CNTNAP2: variants seen among roughly 807,000 people sequenced by gnomAD.
CNTNAP2 encodes contactin-associated protein-like 2.
Under a neutral mutation model 155.2 loss-of-function variants are expected in CNTNAP2, and 98 were observed. The ratio of observed to expected loss-of-function variants is 0.63; its 90% CI spans 0.54 to 0.75. CNTNAP2 has a LOEUF of 0.75. Ranked by LOEUF, CNTNAP2 falls within the 30% of genes least tolerant of loss-of-function variation. The pLI is 0.00. For missense variants in CNTNAP2, 1,727 were observed against 1,688.1 expected (o/e 1.02, Z -0.40); for synonymous variants, 651 against 631.2 (o/e 1.03, Z -0.47).
chr7:146,246,262 A>C (rs1799651411), intron 1 of CNTNAP2, among the ~76,000 whole-genome samples: 1 of 150,768 alleles, frequency 6.6e-6, no homozygotes, highest in Non-Finnish European at 1.5e-5. Flanking sequence ...GAGGACGCAA[A>C]GGAGGCTTTG....
intron 3 of CNTNAP2, among the ~76,000 whole-genome samples, chr7:147,009,183 C>T (rs1798579215): frequency 6.6e-6 from 1 of 152,052 alleles, no homozygotes; most frequent in South Asian, 2.1e-4. Context: ...TCTGTCTTTA[C>T]TTTGTTAAAT....
intron 1 of CNTNAP2, among the ~76,000 whole-genome samples, chr7:146,435,703 C>T (rs1222304007): frequency 6.6e-6 from 1 of 152,174 alleles, no homozygotes; most frequent in African/African-American, 2.4e-5. Flanking sequence ...GTCATGTATG[C>T]TAATCACTTC....
intron 4 of CNTNAP2, among the ~76,000 whole-genome samples, chr7:147,077,705 TG>T (rs1227321693): frequency 1.3e-5 from 2 of 152,170 alleles, no homozygotes; most frequent in African/African-American, 4.8e-5. Context: ...CTAGCTTCCT[TG>T]GGCAAGTTAC....
At chr7:147,549,689 G>A (rs933520833) in intron 11 of CNTNAP2, among the ~76,000 whole-genome samples, 6 of 152,132 alleles carry the variant, frequency 3.9e-5, no homozygotes, top group African/African-American at 1.2e-4. Flanking sequence ...TCTATAAAAA[G>A]TAGTCACCAC....
chr7:146,850,076 T>C (rs964981568), intron 3 of CNTNAP2, among the ~76,000 whole-genome samples: 62 of 152,282 alleles, frequency 4.1e-4, no homozygotes, highest in South Asian at 8.3e-4. Flanking sequence ...CAAATAAATT[T>C]GGTTTGCTTG....
At chr7:147,849,870 G>C (rs922232822) in intron 13 of CNTNAP2, 4 of 152,244 alleles carry the variant, frequency 2.6e-5, no homozygotes, top group Non-Finnish European at 4.4e-5. Context: ...AACCAAAAAT[G>C]GAAGAGGCAA....
At chr7:146,275,560 T>C (rs1344073668) in intron 1 of CNTNAP2, among the ~76,000 whole-genome samples, 1 of 152,196 alleles carries the variant, frequency 6.6e-6, no homozygotes, top group South Asian at 2.1e-4. Context: ...AAGATCAAAG[T>C]AAACCCACAT....
At chr7:147,727,871 C>A (rs1378150897) in intron 13 of CNTNAP2, among the ~76,000 whole-genome samples, 2 of 151,532 alleles carry the variant, frequency 1.3e-5, no homozygotes, top group African/African-American at 4.9e-5. Flanking sequence ...AGAGAACTGT[C>A]TGAAATGACA....
At chr7:148,028,567 C>G (rs748394784) in intron 15 of CNTNAP2, among the ~76,000 whole-genome samples, 21 of 152,136 alleles carry the variant, frequency 1.4e-4, no homozygotes, top group Non-Finnish European at 2.8e-4. Context: ...CAGAACAAGA[C>G]CCCGTCTCAA....
intron 11 of CNTNAP2, among the ~76,000 whole-genome samples, chr7:147,537,927 A>G (rs572824929): frequency 6.6e-6 from 1 of 152,308 alleles, no homozygotes; most frequent in Admixed American, 6.5e-5. Flanking sequence ...GATGTTAACT[A>G]AAGATTCCTT....
At chr7:147,915,600 A>C (rs1800144993) in intron 14 of CNTNAP2, among the ~76,000 whole-genome samples, 1 of 152,084 alleles carries the variant, frequency 6.6e-6, no homozygotes, top group Non-Finnish European at 1.5e-5. Context: ...ACAGCTATCA[A>C]TATATTTTCT....
intron 21 of CNTNAP2, among the ~76,000 whole-genome samples, chr7:148,351,213 G>A (rs1011796842): frequency 2.6e-5 from 4 of 152,124 alleles, no homozygotes; most frequent in African/African-American, 9.7e-5. Flanking sequence ...ACCATGAGTG[G>A]AGGTAGGGAG....
Position 147,848,742 on chromosome 7 carries a change from T to G in CNTNAP2, c.2099-54823T>G, listed in dbSNP as rs1043970949. Reference sequence around the variant, plus strand: ...AAAAAAAAAATAACTAAATATTTAATTTCCTGAAATAGTTCCAAATTACAG... The same window carrying G: ...AAAAAAAAAATAACTAAATATTTAAGTTCCTGAAATAGTTCCAAATTACAG... On this transcript the variant is annotated intron_variant, in intron 13 of 23. Transcript: ENST00000361727. Among the ~76,000 whole-genome samples, 6 of 152,184 alleles carry G rather than the reference T, an allele frequency of 3.9e-5. 1 individual carries two copies. The highest frequency in any genetic ancestry group is 1.4e-4 in the African/African-American group (6 of 41,460).
chr7:147,685,272 G>T (rs192509153), intron 13 of CNTNAP2, among the ~76,000 whole-genome samples: 60 of 151,876 alleles, frequency 4.0e-4, no homozygotes, highest in African/African-American at 1.4e-3. Flanking sequence ...ATTCAGGCTT[G>T]CAGAATATCC....
At chr7:147,016,742 A>T (rs1313007018) in intron 3 of CNTNAP2, among the ~76,000 whole-genome samples, 7 of 152,096 alleles carry the variant, frequency 4.6e-5, no homozygotes, top group Admixed American at 4.6e-4. Flanking sequence ...TAAGGCACAA[A>T]ATAGTTTCTA....
intron 22 of CNTNAP2, among the ~76,000 whole-genome samples, chr7:148,393,729 C>T (rs1212553250): frequency 6.6e-6 from 1 of 152,160 alleles, no homozygotes; most frequent in South Asian, 2.1e-4. Context: ...CTCACCAAAA[C>T]AGTGCATCAT....
intron 15 of CNTNAP2, among the ~76,000 whole-genome samples, chr7:148,090,881 T>C (rs544409878): frequency 6.6e-6 from 1 of 152,090 alleles, no homozygotes; most frequent in Non-Finnish European, 1.5e-5. Flanking sequence ...GAAAATATGG[T>C]ATATATACAT....
At chr7:147,225,730 G>A (rs1440763637) in intron 8 of CNTNAP2, among the ~76,000 whole-genome samples, 2 of 144,230 alleles carry the variant, frequency 1.4e-5, no homozygotes, top group South Asian at 2.2e-4. Context: ...AGTACTTTAA[G>A]TTAGGAAGGA....
intron 9 of CNTNAP2, among the ~76,000 whole-genome samples, chr7:147,312,596 A>G (rs12381327): frequency 3.6e-5 from 3 of 83,266 alleles, no homozygotes; most frequent in African/African-American, 1.3e-4. Context: ...TGAACTCATC[A>G]TTTTTTATGG....
Sources: allele counts gnomAD v4.1 joint callset (sites outside exome capture counted in the v4.1 genomes callset), GRCh38; gene constraint gnomAD v4.1.1; transcripts MANE v1.5; gene names NCBI Gene and HGNC (gene_info 2026-07-23, HGNC 2026-07-21).